Variants in ADAMTSL1 observed in about 807,000 individuals in gnomAD.
ADAMTSL1 encodes the protein ADAMTS like 1.
Under a neutral mutation model 201.8 loss-of-function variants are expected in ADAMTSL1, and 126 were observed. The observed-to-expected ratio is 0.62, with a 90% CI of 0.54 to 0.72. ADAMTSL1 has a LOEUF of 0.72. ADAMTSL1 is among the 30% of genes least tolerant of loss of function. The pLI is 0.00. For missense variants in ADAMTSL1, 2,679 were observed against 2,277.8 expected (o/e 1.18, Z -3.59); for synonymous variants, 1,121 against 903.4 (o/e 1.24, Z -4.32).
intron 1 of ADAMTSL1, among the ~76,000 whole-genome samples, chr9:17,929,410 G>A (rs1382196996): frequency 6.6e-6 from 1 of 151,920 alleles, no homozygotes; most frequent in Non-Finnish European, 1.5e-5. Flanking sequence ...CCCTTTGGGG[G>A]CATTATTGCC....
intron 21 of ADAMTSL1, among the ~76,000 whole-genome samples, chr9:18,824,734 G>T (rs1310247832): frequency 3.6e-5 from 4 of 110,656 alleles, no homozygotes; most frequent in African/African-American, 1.4e-4. Flanking sequence ...GTCTTGCTCT[G>T]TCACCCAGGC....
chr9:18,833,996 G>C (rs555326559), intron 23 of ADAMTSL1, among the ~76,000 whole-genome samples: 67 of 152,238 alleles, frequency 4.4e-4, no homozygotes, highest in African/African-American at 1.5e-3. Context: ...TTAGATGGTA[G>C]TAGGTATATG....
chr9:18,127,311 A>G (rs887813668), intron 1 of ADAMTSL1, among the ~76,000 whole-genome samples: 3 of 152,202 alleles, frequency 2.0e-5, no homozygotes, highest in African/African-American at 7.2e-5. Context: ...ATTACACTGT[A>G]CTAGATCCCT....
At chr9:17,974,296 A>G (rs1031117031) in intron 1 of ADAMTSL1, among the ~76,000 whole-genome samples, 3 of 152,070 alleles carry the variant, frequency 2.0e-5, no homozygotes, top group African/African-American at 7.2e-5. Context: ...GGAAAAGAGG[A>G]AGTCAAATTG....
intron 1 of ADAMTSL1, among the ~76,000 whole-genome samples, chr9:17,974,714 G>A (rs542414252): frequency 1.3e-5 from 2 of 152,050 alleles, no homozygotes; most frequent in Non-Finnish European, 1.5e-5. Context: ...TGTTAAGGCC[G>A]AGTAATGTTT....
intron 1 of ADAMTSL1, among the ~76,000 whole-genome samples, chr9:18,040,163 AG>A (rs1821372349): frequency 6.6e-6 from 1 of 152,156 alleles, no homozygotes; most frequent in Non-Finnish European, 1.5e-5. Flanking sequence ...ACAGTATGTG[AG>A]GTGCATGTAT....
intron 4 of ADAMTSL1, among the ~76,000 whole-genome samples, chr9:18,574,817 T>G (rs887942729): frequency 6.6e-6 from 1 of 152,142 alleles, no homozygotes; most frequent in African/African-American, 2.4e-5. Context: ...TAAAACAGGA[T>G]TACAAAAAGG....
intron 1 of ADAMTSL1, among the ~76,000 whole-genome samples, chr9:18,072,710 G>A (rs1033323737): frequency 5.3e-5 from 8 of 152,174 alleles, no homozygotes; most frequent in African/African-American, 1.9e-4. Context: ...TTTTTATCCA[G>A]GCATTTTTGT....
chr9:18,099,351 ATATATT>A lies in ADAMTSL1; in HGVS notation c.88-64509_88-64504del, dbSNP rs1468373685. Among the ~76,000 whole-genome samples, 179 of 52,600 alleles carry A rather than the reference ATATATT, an allele frequency of 3.4e-3. 1 individual carries two copies. The highest frequency in any genetic ancestry group is 9.3e-3 in the South Asian group (14 of 1,504). 34.5% of individuals were successfully genotyped at this position (52,600 alleles called of 152,430 possible). Reference sequence around the variant, plus strand: ...AATATATATATATATATATATATATATATATTTTTTTTTTTTTTTTTAACATCCATT... The same window carrying A: ...AATATATATATATATATATATATATATTTTTTTTTTTTTTTAACATCCATT... On this transcript the variant is annotated intron_variant, in intron 1 of 29. Transcript: ENST00000680146.
At chr9:18,534,274 G>C (rs562041698) in intron 3 of ADAMTSL1, among the ~76,000 whole-genome samples, 1 of 152,238 alleles carries the variant, frequency 6.6e-6, no homozygotes, top group South Asian at 2.1e-4. Context: ...TTCATTAGTA[G>C]TCACAGCTAC....
At chr9:18,889,449 C>T (rs1829105004) in intron 24 of ADAMTSL1, 119 bp from the exon 25 acceptor site, 1 of 1,082,398 alleles carries the variant, frequency 9.2e-7, no homozygotes, top group Non-Finnish European at 1.3e-6. Flanking sequence ...TATAATAGCT[C>T]CTCTCCTTCA....
chr9:17,922,087 CT>C (rs33961485), intron 1 of ADAMTSL1, among the ~76,000 whole-genome samples: 16,926 of 144,636 alleles, frequency 0.12, 998 homozygotes, highest in South Asian at 0.19. Flanking sequence ...GCAGTTCAGG[CT>C]TTTTTTTTTT....
intron 2 of ADAMTSL1, among the ~76,000 whole-genome samples, chr9:18,505,573 G>C (rs923686668): frequency 6.6e-6 from 1 of 152,184 alleles, no homozygotes; most frequent in Non-Finnish European, 1.5e-5. Flanking sequence ...GAAAGGGCCT[G>C]AGGCCTTAGA....
intron 7 of ADAMTSL1, among the ~76,000 whole-genome samples, chr9:18,639,922 T>G (rs28548145): frequency 6.6e-6 from 1 of 152,160 alleles, no homozygotes. Context: ...GGAAGCAACA[T>G]GCACATTCTG....
At chr9:18,450,916 A>C (rs368261623) in intron 2 of ADAMTSL1, among the ~76,000 whole-genome samples, 7 of 152,358 alleles carry the variant, frequency 4.6e-5, no homozygotes, top group African/African-American at 1.7e-4. Flanking sequence ...ATTGTATAAA[A>C]CAGGGAAAGA....
intron 2 of ADAMTSL1, among the ~76,000 whole-genome samples, chr9:18,283,622 A>AAT (rs1207213200): frequency 2.0e-5 from 3 of 148,262 alleles, no homozygotes; most frequent in African/African-American, 7.4e-5. Context: ...AAAAAAAAAA[A>AAT]AAAAAAAAGG....
intron 1 of ADAMTSL1, among the ~76,000 whole-genome samples, chr9:18,023,099 C>T (rs1820546838): frequency 6.6e-6 from 1 of 151,868 alleles, no homozygotes; most frequent in South Asian, 2.1e-4. Flanking sequence ...AAAGTACTTC[C>T]AAAATTGATG....
intron 2 of ADAMTSL1, among the ~76,000 whole-genome samples, chr9:18,170,336 A>T (rs980762434): frequency 6.6e-5 from 10 of 152,066 alleles, no homozygotes; most frequent in African/African-American, 2.4e-4. Context: ...TTACTAAGGG[A>T]TGTATATGTA....
chr9:18,563,603 C>T (rs199689752), intron 3 of ADAMTSL1, among the ~76,000 whole-genome samples: 9 of 152,190 alleles, frequency 5.9e-5, no homozygotes, highest in Non-Finnish European at 1.0e-4. Flanking sequence ...CTGCTGAAGC[C>T]GCACCCACAG....
Sources: allele counts gnomAD v4.1 joint callset (sites outside exome capture counted in the v4.1 genomes callset), GRCh38; gene constraint gnomAD v4.1.1; transcripts MANE v1.5; gene names NCBI Gene and HGNC (gene_info 2026-07-23, HGNC 2026-07-21).